GABRG3: variants seen among roughly 807,000 people sequenced by gnomAD.
GABRG3 encodes gamma-aminobutyric acid type A receptor subunit gamma3.
A neutral mutation model predicts 48.8 loss-of-function variants in GABRG3; 25 were observed. The observed-to-expected ratio is 0.51, with a 90% CI of 0.37 to 0.72. The LOEUF (loss-of-function observed/expected upper bound fraction) is 0.72, where lower values mean the gene tolerates loss of function less well. Among genes scored for constraint, GABRG3 ranks in the 30% least tolerant of loss-of-function variants. The probability of loss-of-function intolerance (pLI) is 0.00; values close to 1 mark genes in which losing one functional copy is unlikely to be tolerated. For missense variants in GABRG3, 394 were observed against 577.9 expected, an observed-to-expected ratio of 0.68 and a Z score of 3.26; for synonymous variants, 227 against 217.6, an observed-to-expected ratio of 1.04 and a Z score of -0.38.
chr15:27,373,419 T>C (rs1411647399), intron 5 of GABRG3, among the ~76,000 whole-genome samples: 1 of 152,178 alleles, frequency 6.6e-6, no homozygotes, highest in Non-Finnish European at 1.5e-5. Context: ...GATACAAACC[T>C]AGTAAATCCC....
At chr15:27,189,672 A>G (rs1314065465) in intron 3 of GABRG3, among the ~76,000 whole-genome samples, 1 of 152,208 alleles carries the variant, frequency 6.6e-6, no homozygotes, top group Non-Finnish European at 1.5e-5. Flanking sequence ...TGTCGTCTGC[A>G]AACAGGGACA....
intron 2 of GABRG3, among the ~76,000 whole-genome samples, chr15:26,998,678 C>T (rs1895385573): frequency 6.6e-6 from 1 of 152,130 alleles, no homozygotes; most frequent in Non-Finnish European, 1.5e-5. Flanking sequence ...CACTGGTGAC[C>T]ATCCCCTTCT....
chr15:27,036,135 G>A (rs933297818), intron 3 of GABRG3, among the ~76,000 whole-genome samples: 1 of 152,186 alleles, frequency 6.6e-6, no homozygotes, highest in Non-Finnish European at 1.5e-5. Flanking sequence ...GTAAGACATC[G>A]AATAAACAAA....
chr15:27,291,503 C>T (rs1217013876), intron 3 of GABRG3, among the ~76,000 whole-genome samples: 2 of 152,066 alleles, frequency 1.3e-5, no homozygotes, highest in South Asian at 4.1e-4. Context: ...TAACTGAGTC[C>T]CACCAAAATC....
At chr15:27,262,043 A>G (rs940280903) in intron 3 of GABRG3, among the ~76,000 whole-genome samples, 1 of 152,142 alleles carries the variant, frequency 6.6e-6, no homozygotes, top group Non-Finnish European at 1.5e-5. Flanking sequence ...CCAGCCAGCC[A>G]TGCTCTCTCA....
rs117215370 is a variant in GABRG3, at chr15:27,092,670, A to G, written c.270+65849A>G. Among the ~76,000 whole-genome samples the G allele has an allele frequency of 5.2e-3, 792 of 152,344 alleles. 6 individuals carry two copies. Among genetic ancestry groups the G allele is most frequent in the South Asian group, 0.019 (92 of 4,828 alleles). On this transcript the variant is annotated intron_variant, in intron 3 of 9. Transcript: ENST00000615808. ...AATAACAGTCAGGCCAGCCATTGAA[A>G]AATAGATGTGCTTATCAAATATGTG...
At chr15:27,298,960 A>G (rs1892099053) in intron 3 of GABRG3, among the ~76,000 whole-genome samples, 2 of 152,194 alleles carry the variant, frequency 1.3e-5, no homozygotes, top group African/African-American at 4.8e-5. Flanking sequence ...ACAACAACAA[A>G]AAATGCTTCA....
At chr15:27,507,566 T>C (rs1890790821) in intron 6 of GABRG3, among the ~76,000 whole-genome samples, 1 of 152,108 alleles carries the variant, frequency 6.6e-6, no homozygotes, top group South Asian at 2.1e-4. Flanking sequence ...CTTCGGTTTG[T>C]GGCCCAGAAT....
intron 6 of GABRG3, among the ~76,000 whole-genome samples, chr15:27,507,318 A>G (rs1185059461): frequency 6.6e-6 from 1 of 152,104 alleles, no homozygotes; most frequent in Non-Finnish European, 1.5e-5. Context: ...AGCCTGGCCA[A>G]AATGGTGAAA....
chr15:27,491,453 T>C (rs1459857251), intron 6 of GABRG3, among the ~76,000 whole-genome samples: 1 of 152,190 alleles, frequency 6.6e-6, no homozygotes, highest in Non-Finnish European at 1.5e-5. Context: ...TTCCTGTCCG[T>C]AGGGGGTTTC....
intron 2 of GABRG3, among the ~76,000 whole-genome samples, chr15:26,984,486 G>T (rs111750472): frequency 6.6e-6 from 1 of 152,112 alleles, no homozygotes; most frequent in Non-Finnish European, 1.5e-5. Flanking sequence ...TAAAAATAAT[G>T]ACTCCTCTCC....
At chr15:27,057,697 G>GT (rs899218278) in intron 3 of GABRG3, among the ~76,000 whole-genome samples, 2 of 152,126 alleles carry the variant, frequency 1.3e-5, no homozygotes, top group Non-Finnish European at 2.9e-5. Flanking sequence ...AACTGGTGTT[G>GT]TTGTCTGGGA....
At chr15:27,503,134 G>A (rs1479589876) in intron 6 of GABRG3, among the ~76,000 whole-genome samples, 3 of 152,212 alleles carry the variant, frequency 2.0e-5, no homozygotes, top group African/African-American at 7.2e-5. Context: ...CAAGTGACCA[G>A]CTCCATCCTG....
chr15:27,123,881 T>C (rs777804378), intron 3 of GABRG3, among the ~76,000 whole-genome samples: 2 of 152,076 alleles, frequency 1.3e-5, no homozygotes, highest in Non-Finnish European at 2.9e-5. Context: ...GTCCCTGAGG[T>C]CACTCAAGGG....
intron 5 of GABRG3, among the ~76,000 whole-genome samples, chr15:27,390,377 A>AT (rs1001512956): frequency 2.0e-5 from 3 of 152,240 alleles, no homozygotes; most frequent in East Asian, 1.9e-4. Flanking sequence ...AAAATTTAAT[A>AT]TTTTTTTTCT....
chr15:27,081,060 G>T (rs969845200), intron 3 of GABRG3, among the ~76,000 whole-genome samples: 32 of 152,204 alleles, frequency 2.1e-4, no homozygotes, highest in African/African-American at 6.5e-4. Context: ...AGCTGAGTGA[G>T]TTGAGCCCAC....
rs1173709437 is a variant in GABRG3, at chr15:26,975,979, GC to G, written c.54-1022del. On this transcript the variant is annotated intron_variant, in intron 1 of 9. Coordinates refer to ENST00000615808, the MANE Select transcript of GABRG3 (RefSeq NM_033223.5). This position sits in a 1 kb window ranked among gnomAD's most constrained non-coding sequence, Gnocchi z 4.6. ...GTCTGCCTGGAAATGCTGCTTTAAG[GC>G]AGAAAGAGACTGTCTGCTCTCCAAG... Among the ~76,000 whole-genome samples the G allele has an allele frequency of 6.6e-6, 1 of 152,188 alleles. No homozygotes were observed.
chr15:27,347,420 C>A (rs764306216), intron 5 of GABRG3, among the ~76,000 whole-genome samples: 1 of 152,152 alleles, frequency 6.6e-6, no homozygotes, highest in Non-Finnish European at 1.5e-5. Context: ...TTCCCTTTCC[C>A]AGCTACAGTG....
chr15:27,329,807 T>A (rs1277515688), intron 5 of GABRG3, among the ~76,000 whole-genome samples: 3 of 152,358 alleles, frequency 2.0e-5, no homozygotes, highest in Non-Finnish European at 4.4e-5. Context: ...ATATCAAATC[T>A]ATTTATACAA....
Sources: gnomAD v4.1 joint callset for allele counts (sites outside exome capture counted in the v4.1 genomes callset) on GRCh38, gnomAD v4.1.1 for gene constraint, Gnocchi (gnomAD v3.1) non-coding constraint, MANE v1.5 for transcripts, NCBI Gene and HGNC (gene_info 2026-07-23, HGNC 2026-07-21) for gene names.